The following FRAS1 variants were observed in gnomAD, a reference collection of about 807,000 sequenced individuals.
FRAS1 encodes the protein Fraser extracellular matrix complex subunit 1, also known as extracellular matrix organizing protein FRAS1.
Under a neutral mutation model 435.2 loss-of-function variants are expected in FRAS1, and 290 were observed. That is an observed-to-expected ratio of 0.67 (90% confidence interval 0.61 to 0.73). The LOEUF (loss-of-function observed/expected upper bound fraction) is 0.73, where lower values mean the gene tolerates loss of function less well. FRAS1 is among the 30% of genes least tolerant of loss of function. The probability of loss-of-function intolerance (pLI) is 0.00; values close to 1 mark genes in which losing one functional copy is unlikely to be tolerated. For missense variants in FRAS1, 4,860 were observed against 5,001.5 expected (o/e 0.97, Z 0.85); for synonymous variants, 1,800 against 1,851.0 (o/e 0.97, Z 0.71).
chr4:78,194,064 G>GA (rs1390107728), intron 2 of FRAS1, among the ~76,000 whole-genome samples: 4 of 152,116 alleles, frequency 2.6e-5, no homozygotes, highest in African/African-American at 9.7e-5. Flanking sequence ...ATTCTGGGTT[G>GA]GAAATTCTTT....
At position 78,118,477 on chromosome 4, in the gene FRAS1, C is replaced by A. The variant is rs574023241; in HGVS notation, c.108+52461C>A. On this transcript the variant is annotated intron_variant, in intron 2 of 73. Coordinates refer to ENST00000512123, the MANE Select transcript of FRAS1 (RefSeq NM_025074.7). Reference sequence around the variant, plus strand: ...AGGCCTCCTTGAGCTGCAGATCGAGCTTCCCGGCTGCTTTGTTTACCTACT... The same window carrying A: ...AGGCCTCCTTGAGCTGCAGATCGAGATTCCCGGCTGCTTTGTTTACCTACT... Among the ~76,000 whole-genome samples the A allele has an allele frequency of 3.6e-4, 55 of 152,328 alleles. 1 individual carries two copies. The highest frequency in any genetic ancestry group is 3.4e-3 in the Middle Eastern group (1 of 294).
At chr4:78,451,195 T>C (rs966057270) in intron 45 of FRAS1, among the ~76,000 whole-genome samples, 3 of 152,216 alleles carry the variant, frequency 2.0e-5, no homozygotes, top group Non-Finnish European at 2.9e-5. Context: ...AATTGAAAGA[T>C]GCTTTTAAGT....
At chr4:78,267,147 A>C in intron 8 of FRAS1, 94 bp from the exon 9 acceptor site, 42 of 1,261,812 alleles carry the variant, frequency 3.3e-5, no homozygotes, top group Non-Finnish European at 4.5e-5. Flanking sequence ...AGAGCCATGT[A>C]GAGCTTTGGT....
chr4:78,417,717 AC>A (rs1733607000), intron 32 of FRAS1, among the ~76,000 whole-genome samples: 1 of 152,172 alleles, frequency 6.6e-6, no homozygotes, highest in Non-Finnish European at 1.5e-5. Context: ...ACTGCAACCT[AC>A]AATCTTTTCA....
intron 9 of FRAS1, among the ~76,000 whole-genome samples, chr4:78,277,177 G>A (rs975072042): frequency 2.6e-5 from 4 of 152,210 alleles, no homozygotes; most frequent in Non-Finnish European, 5.9e-5. Flanking sequence ...CGCAGTATTA[G>A]GGTGGGAGTA....
At chr4:78,094,691 T>C (rs1021381737) in intron 2 of FRAS1, among the ~76,000 whole-genome samples, 2 of 152,162 alleles carry the variant, frequency 1.3e-5, no homozygotes, top group Non-Finnish European at 2.9e-5. Context: ...TAAAACAGAT[T>C]GTTTTCAAGA....
chr4:78,477,489 A>G (rs552057916), intron 54 of FRAS1, among the ~76,000 whole-genome samples: 19 of 152,314 alleles, frequency 1.2e-4, no homozygotes, highest in South Asian at 6.2e-4. Context: ...TGAGTCATCA[A>G]ATGATGACTG....
At chr4:78,386,453 C>A (rs1578290781) in intron 28 of FRAS1, among the ~76,000 whole-genome samples, 2 of 152,096 alleles carry the variant, frequency 1.3e-5, no homozygotes, top group East Asian at 3.9e-4. Context: ...CATCTAATTT[C>A]CCACTATGTA....
chr4:78,490,121 A>C (rs1315645371), intron 59 of FRAS1, among the ~76,000 whole-genome samples: 1 of 152,144 alleles, frequency 6.6e-6, no homozygotes, highest in East Asian at 1.9e-4. Context: ...TTTCCTAAAT[A>C]TATATGCACC....
intron 1 of FRAS1, among the ~76,000 whole-genome samples, chr4:78,062,714 T>G (rs1483832970): frequency 6.6e-6 from 1 of 152,248 alleles, no homozygotes; most frequent in Admixed American, 6.5e-5. Context: ...GACATTTACT[T>G]GTTTAAATTT....
At chr4:78,509,366 G>A (rs1200007014) in intron 63 of FRAS1, among the ~76,000 whole-genome samples, 2 of 152,192 alleles carry the variant, frequency 1.3e-5, no homozygotes, top group Non-Finnish European at 2.9e-5. Context: ...CAAAGTCAGT[G>A]AAAAACTCCA....
chr4:78,526,235 G>C (rs1721529535), intron 69 of FRAS1, among the ~76,000 whole-genome samples: 1 of 152,194 alleles, frequency 6.6e-6, no homozygotes, highest in Admixed American at 6.5e-5. Context: ...GGCCAATTCT[G>C]TTCTGTCATC....
At chr4:78,089,017 A>T (rs890425311) in intron 2 of FRAS1, among the ~76,000 whole-genome samples, 8 of 152,088 alleles carry the variant, frequency 5.3e-5, no homozygotes, top group African/African-American at 1.9e-4. Context: ...TAGCAAAGAC[A>T]TGGAACCAAC....
intron 69 of FRAS1, 118 bp downstream of exon 69, chr4:78,522,926 G>T: frequency 2.1e-6 from 2 of 964,970 alleles, no homozygotes; most frequent in Non-Finnish European, 2.9e-6. Flanking sequence ...AAGGGGAATT[G>T]ATAGAAATAA....
chr4:78,289,594 C>G (rs545846854), intron 14 of FRAS1, among the ~76,000 whole-genome samples: 1 of 152,300 alleles, frequency 6.6e-6, no homozygotes, highest in South Asian at 2.1e-4. Context: ...GGCACTCAGA[C>G]TTCTGCTTTA....
intron 9 of FRAS1, among the ~76,000 whole-genome samples, chr4:78,274,804 G>A (rs571661892): frequency 4.8e-4 from 73 of 152,322 alleles, no homozygotes; most frequent in Non-Finnish European, 8.7e-4. Context: ...ATTTGGGGTG[G>A]AGAGTTCTGT....
intron 23 of FRAS1, among the ~76,000 whole-genome samples, chr4:78,370,303 C>T (rs1433342968): frequency 6.6e-6 from 1 of 152,160 alleles, no homozygotes; most frequent in Non-Finnish European, 1.5e-5. Flanking sequence ...TGTTTCAATG[C>T]TTTAAAATCT....
chr4:78,398,100 G>T (rs1192292090), intron 29 of FRAS1, among the ~76,000 whole-genome samples: 1 of 147,500 alleles, frequency 6.8e-6, no homozygotes, highest in Non-Finnish European at 1.5e-5. Flanking sequence ...CTCTTATTCT[G>T]CCATCTTGCT....
chr4:78,115,711 C>G (rs1407666679), intron 2 of FRAS1, among the ~76,000 whole-genome samples: 1 of 151,658 alleles, frequency 6.6e-6, no homozygotes, highest in Non-Finnish European at 1.5e-5. Context: ...CTATTTGATT[C>G]TTCTCTCTTT....
Sources: gnomAD v4.1 joint callset for allele counts (sites outside exome capture counted in the v4.1 genomes callset) on GRCh38, gnomAD v4.1.1 for gene constraint, MANE v1.5 for transcripts, NCBI Gene and HGNC (gene_info 2026-07-23, HGNC 2026-07-21) for gene names.